Variants in HMCN1 observed in about 807,000 individuals in gnomAD.
HMCN1 encodes the protein hemicentin 1.
HMCN1 carries 321 observed loss-of-function variants against 625.9 expected under a neutral mutation model. The ratio of observed to expected loss-of-function variants is 0.51; its 90% CI spans 0.47 to 0.56. The LOEUF (loss-of-function observed/expected upper bound fraction) is 0.56. Among genes scored for constraint, HMCN1 ranks in the 20% least tolerant of loss-of-function variants. The pLI, the probability that HMCN1 is intolerant of heterozygous loss-of-function variation, is 0.00. For missense variants in HMCN1, 6,588 were observed against 6,887.3 expected (o/e 0.96, Z 1.54); for synonymous variants, 2,425 against 2,417.6 (o/e 1.00, Z -0.09).
Position 185,804,255 on chromosome 1 carries a change from A to C in HMCN1, c.269-41771A>C, listed in dbSNP as rs369525654. 1.6e-4 allele frequency among the ~76,000 whole-genome samples: 25 copies of C among 152,234 alleles called. 1 individual carries two copies. The highest frequency in any genetic ancestry group is 5.8e-4 in the African/African-American group (24 of 41,576). On this transcript the variant is annotated intron_variant, in intron 1 of 106. Coordinates refer to ENST00000271588, the MANE Select transcript of HMCN1 (RefSeq NM_031935.3). ...TAACAATTACCCATAGAGTATTACA[A>C]AAATGGTATTAACAAATCCTTAATT...
At chr1:185,838,250 C>G (rs2102303355) in intron 1 of HMCN1, among the ~76,000 whole-genome samples, 1 of 152,272 alleles carries the variant, frequency 6.6e-6, no homozygotes, top group South Asian at 2.1e-4. Context: ...CACCACAACT[C>G]TTGACAGACA....
intron 70 of HMCN1, among the ~76,000 whole-genome samples, chr1:186,108,035 TAA>T (rs559777006): frequency 0.52 from 50,593 of 97,434 alleles, 11,464 homozygotes; most frequent in Admixed American, 0.6. Flanking sequence ...GTAAATTCTG[TAA>T]AAAAAAAAAA....
At chr1:186,067,716 T>A in intron 49 of HMCN1, 118 bp from the exon 50 acceptor site, 1 of 674,966 alleles carries the variant, frequency 1.5e-6, no homozygotes, top group Non-Finnish European at 2.5e-6. Flanking sequence ...TAATAATAAT[T>A]TGTTTTCTGT....
In HMCN1 at chr1:185,759,345, C is replaced by T. The variant is rs189064262; in HGVS notation, c.268+24298C>T. On this transcript the variant is annotated intron_variant, in intron 1 of 106. Transcript: ENST00000271588. ...TGTGATGTTTCCTGGAATGTTAAGACGGGGACATTTTCATGAACTGGTTAT... is the reference window on the plus strand; with the variant it reads ...TGTGATGTTTCCTGGAATGTTAAGATGGGGACATTTTCATGAACTGGTTAT... Among the ~76,000 whole-genome samples, 32 of 152,186 alleles carry T rather than the reference C, an allele frequency of 2.1e-4. 1 individual carries two copies. The South Asian group carries it at 2.3e-3, about 11-fold the overall frequency.
intron 97 of HMCN1, among the ~76,000 whole-genome samples, chr1:186,161,050 A>G (rs979959050): frequency 1.3e-5 from 2 of 152,070 alleles, no homozygotes; most frequent in African/African-American, 4.8e-5. Flanking sequence ...AATGTGTGGG[A>G]GTCTAAGTCT....
At chr1:186,041,573 A>G (rs1656209673) in intron 40 of HMCN1, among the ~76,000 whole-genome samples, 1 of 152,156 alleles carries the variant, frequency 6.6e-6, no homozygotes, top group South Asian at 2.1e-4. Context: ...TTGAGAAGCA[A>G]AAAGTTAAAC....
At chr1:185,926,321 A>T (rs1311251958) in intron 9 of HMCN1, among the ~76,000 whole-genome samples, 1 of 152,160 alleles carries the variant, frequency 6.6e-6, no homozygotes, top group Non-Finnish European at 1.5e-5. Flanking sequence ...ATTCATCATA[A>T]CTAGGACATT....
At chr1:186,180,493 C>A (rs1652865756) in intron 104 of HMCN1, among the ~76,000 whole-genome samples, 1 of 152,262 alleles carries the variant, frequency 6.6e-6, no homozygotes, top group East Asian at 1.9e-4. Flanking sequence ...TGGTTTCTTC[C>A]AAATTATCAG....
At position 186,102,078 on chromosome 1, in the gene HMCN1, T is replaced by C. The variant is rs181528146; in HGVS notation, c.10574-1394T>C. On this transcript the variant is annotated intron_variant, in intron 68 of 106. Coordinates refer to ENST00000271588, the MANE Select transcript of HMCN1 (RefSeq NM_031935.3). The stretch of plus-strand genomic sequence containing the variant: ...ATATAAGTATGTTAAAATTAAATAA[T>C]GACAAAGATAGATCTAGACCATATT... Among the ~76,000 whole-genome samples the C allele has an allele frequency of 9.2e-4, 140 of 152,218 alleles. 1 individual carries two copies. The highest frequency in any genetic ancestry group is 3.3e-3 in the African/African-American group (138 of 41,538).
chr1:185,922,297 C>G, intron 6 of HMCN1, 82 bp from the exon 7 acceptor site: 1 of 1,442,694 alleles, frequency 6.9e-7, no homozygotes. Context: ...AAATATTGTG[C>G]AGTTTCCCAT....
chr1:185,923,156 A>G (rs1397107072), intron 7 of HMCN1, among the ~76,000 whole-genome samples: 1 of 152,122 alleles, frequency 6.6e-6, no homozygotes, highest in Non-Finnish European at 1.5e-5. Flanking sequence ...TCACGATTCT[A>G]ATTTTTTTTA....
At chr1:186,054,771 A>C (rs548679739) in intron 44 of HMCN1, among the ~76,000 whole-genome samples, 1 of 151,998 alleles carries the variant, frequency 6.6e-6, no homozygotes, top group African/African-American at 2.4e-5. Context: ...TCCCTCCTTC[A>C]TGGTCTCAAG....
At chr1:186,163,805 A>G (rs1378087466) in intron 97 of HMCN1, among the ~76,000 whole-genome samples, 2 of 152,210 alleles carry the variant, frequency 1.3e-5, no homozygotes, top group Non-Finnish European at 2.9e-5. Context: ...AAAACCTGCC[A>G]TGAGTCCTGT....
rs564245563 is a variant in HMCN1 at position 186,067,995 on chromosome 1, C to A, written c.7867C>A (p.Arg2623Ser). The change falls in exon 50 of 107, where the codon CGT (arginine) becomes AGT (serine). Residue 2623 changes from arginine to serine, a missense_variant. Physicochemically the swap from Arg to Ser is moderately radical, Grantham distance 110. This residue lies in a region of HMCN1 where 4,628 missense variants were observed against 4,853.1 expected (regional missense o/e 0.95). Coordinates refer to ENST00000271588, the MANE Select transcript of HMCN1 (RefSeq NM_031935.3). ...GTPLESNRNI[R>S]ILPGGRTLQI... ...TCCTTTAGAATCTAACCGAAATATT[C>A]GTATTCTTCCAGGTAATTCATTTGC... is the stretch of plus-strand genomic sequence containing the variant. 1.9e-6 allele frequency: 3 copies of A among 1,612,886 alleles called. No homozygotes were observed. Among genetic ancestry groups the A allele is most frequent in the Non-Finnish European group, 2.5e-6 (3 of 1,179,120 alleles).
intron 5 of HMCN1, among the ~76,000 whole-genome samples, chr1:185,910,670 A>G (rs1218913495): frequency 1.3e-5 from 2 of 151,376 alleles, no homozygotes; most frequent in Non-Finnish European, 2.9e-5. Flanking sequence ...TCCTGGGTTC[A>G]AACGATTCTC....
rs767418477 is a variant in HMCN1 at position 186,055,680 on chromosome 1, T to C, written c.7144+6T>C. The C allele has an allele frequency of 6.2e-7, 1 of 1,612,092 alleles. No homozygotes were observed. The highest frequency in any genetic ancestry group is 8.5e-7 in the Non-Finnish European group (1 of 1,178,628). Reference sequence around the variant, plus strand: ...ATATGACTTAAGTGTCCATGGTAAGTAGAAAGAGGCTCAATATGTCCATTC... The same window carrying C: ...ATATGACTTAAGTGTCCATGGTAAGCAGAAAGAGGCTCAATATGTCCATTC... On this transcript the variant is annotated splice_donor_region_variant and intron_variant, in intron 45 of 106. Coordinates refer to ENST00000271588, the MANE Select transcript of HMCN1 (RefSeq NM_031935.3).
chr1:186,017,180 A>G (rs1466236658), intron 33 of HMCN1, 109 bp downstream of exon 33: 1 of 727,116 alleles, frequency 1.4e-6, no homozygotes, highest in Non-Finnish European at 2.6e-6. Flanking sequence ...ATGAAATTGT[A>G]TTCTTTATAT....
intron 1 of HMCN1, among the ~76,000 whole-genome samples, chr1:185,820,686 T>C (rs968018153): frequency 6.6e-6 from 1 of 152,118 alleles, no homozygotes; most frequent in African/African-American, 2.4e-5. Flanking sequence ...ATTTAGAGGA[T>C]TGGTATGATT....
chr1:186,081,878 A>T (rs1659188245), intron 56 of HMCN1, among the ~76,000 whole-genome samples: 1 of 152,212 alleles, frequency 6.6e-6, no homozygotes, highest in African/African-American at 2.4e-5. Context: ...AAAGAAAAGC[A>T]CTTGTAGAAA....
Sources: allele counts gnomAD v4.1 joint callset (sites outside exome capture counted in the v4.1 genomes callset), GRCh38; gene constraint gnomAD v4.1.1; regional missense constraint gnomAD v4.1.1; transcripts MANE v1.5; gene names NCBI Gene and HGNC (gene_info 2026-07-23, HGNC 2026-07-21).